The following SPOCK3 variants were observed in gnomAD, a reference collection of about 807,000 sequenced individuals.
The protein encoded by SPOCK3 is SPARC (osteonectin), cwcv and kazal like domains proteoglycan 3, also known as testican-3.
Under a neutral mutation model 56.6 loss-of-function variants are expected in SPOCK3, and 30 were observed. The ratio of observed to expected loss-of-function variants is 0.53; its 90% confidence interval spans 0.40 to 0.72. The LOEUF (loss-of-function observed/expected upper bound fraction) is 0.72, where lower values mean the gene tolerates loss of function less well. Among genes scored for constraint, SPOCK3 ranks in the 30% least tolerant of loss-of-function variants. The pLI, the probability that SPOCK3 is intolerant of heterozygous loss-of-function variation, is 0.00. For missense variants in SPOCK3, 527 were observed against 530.0 expected (o/e 0.99, Z 0.06); for synonymous variants, 196 against 183.3 (o/e 1.07, Z -0.56).
chr4:167,061,966 A>T (rs917006792), intron 3 of SPOCK3, among the ~76,000 whole-genome samples: 1 of 151,794 alleles, frequency 6.6e-6, no homozygotes, highest in Non-Finnish European at 1.5e-5. Context: ...TTTTCCTTTT[A>T]AAGGTAAGTT....
chr4:167,151,085 C>T (rs760333801), intron 2 of SPOCK3, among the ~76,000 whole-genome samples: 43 of 152,144 alleles, frequency 2.8e-4, no homozygotes, highest in Admixed American at 1.6e-3. Context: ...TCTCAAATTG[C>T]GCTGCAAATT....
chr4:167,130,403 A>G (rs1041393167), intron 2 of SPOCK3, among the ~76,000 whole-genome samples: 1 of 152,206 alleles, frequency 6.6e-6, no homozygotes, highest in African/African-American at 2.4e-5. Context: ...TGGGTAATAT[A>G]TGGAATATAA....
intron 4 of SPOCK3, among the ~76,000 whole-genome samples, chr4:166,971,780 G>T (rs550088251): frequency 6.6e-6 from 1 of 152,116 alleles, no homozygotes; most frequent in African/African-American, 2.4e-5. Context: ...ATTAGCTTCG[G>T]CTTACAACTA....
intron 2 of SPOCK3, among the ~76,000 whole-genome samples, chr4:167,187,145 A>G (rs1732062866): frequency 6.6e-6 from 1 of 152,096 alleles, no homozygotes; most frequent in African/African-American, 2.4e-5. Context: ...GACATGTACC[A>G]TCTCATTTTT....
rs1382028177 is a variant in SPOCK3, at chr4:167,197,444, TATA to T, written c.189+36538_189+36540del. Among the ~76,000 whole-genome samples the T allele has an allele frequency of 3.9e-5, 6 of 152,308 alleles. No individual in the cohort carries two copies. In the East Asian group the frequency reaches 1.2e-3, roughly 29 times the overall value. ...ATGACGTGAAATTTAGGCTATTACT[TATA>T]AGGTAGATGAAATTAGAACAAAAGT... On this transcript the variant is annotated intron_variant, in intron 2 of 10. Transcript: ENST00000357545.
chr4:167,223,223 AAT>A (rs1736233296), intron 2 of SPOCK3, among the ~76,000 whole-genome samples: 2 of 138,560 alleles, frequency 1.4e-5, no homozygotes, highest in Non-Finnish European at 3.0e-5. Context: ...GTGAATATAT[AAT>A]ATATAATATA....
intron 5 of SPOCK3, among the ~76,000 whole-genome samples, chr4:166,899,110 T>C (rs533445358): frequency 1.3e-5 from 2 of 152,064 alleles, no homozygotes; most frequent in African/African-American, 4.8e-5. Flanking sequence ...ATCTGGCCCT[T>C]GACTCTCACA....
intron 2 of SPOCK3, among the ~76,000 whole-genome samples, chr4:167,113,239 C>T (rs559753761): frequency 2.3e-4 from 35 of 152,238 alleles, no homozygotes; most frequent in Admixed American, 1.4e-3. Flanking sequence ...TACATTGCTA[C>T]TTAGATTCGT....
chr4:166,993,569 T>G (rs1748032465), intron 4 of SPOCK3, among the ~76,000 whole-genome samples: 1 of 152,190 alleles, frequency 6.6e-6, no homozygotes, highest in Admixed American at 6.6e-5. Flanking sequence ...ACTCTCTTCC[T>G]TCTCAACTGC....
intron 4 of SPOCK3, among the ~76,000 whole-genome samples, chr4:166,921,954 A>G (rs953653399): frequency 6.6e-6 from 1 of 152,164 alleles, no homozygotes; most frequent in African/African-American, 2.4e-5. Context: ...AAAGCCAGGC[A>G]GTGGCCCAGT....
intron 5 of SPOCK3, among the ~76,000 whole-genome samples, chr4:166,912,055 T>C (rs562059490): frequency 6.6e-6 from 1 of 152,278 alleles, no homozygotes; most frequent in Admixed American, 6.5e-5. Flanking sequence ...AATCCCAAAA[T>C]ATTTTAACAA....
intron 2 of SPOCK3, among the ~76,000 whole-genome samples, chr4:167,085,565 G>T (rs542220593): frequency 1.6e-4 from 25 of 152,180 alleles, no homozygotes; most frequent in African/African-American, 6.0e-4. Flanking sequence ...GCCATGTGGC[G>T]AAATTCATCG....
chr4:166,954,509 T>G (rs1234470970), intron 4 of SPOCK3, among the ~76,000 whole-genome samples: 1 of 152,164 alleles, frequency 6.6e-6, no homozygotes, highest in Non-Finnish European at 1.5e-5. Flanking sequence ...TCTAATTTTA[T>G]TATTCTGCAT....
At chr4:167,229,762 T>C (rs1026293911) in intron 2 of SPOCK3, among the ~76,000 whole-genome samples, 1 of 152,158 alleles carries the variant, frequency 6.6e-6, no homozygotes, top group African/African-American at 2.4e-5. Context: ...CTACATGTTC[T>C]TTAGCTTACA....
intron 6 of SPOCK3, among the ~76,000 whole-genome samples, chr4:166,808,832 G>T (rs181207236): frequency 6.6e-6 from 1 of 152,114 alleles, no homozygotes; most frequent in Admixed American, 6.6e-5. Flanking sequence ...AGGCAAAATT[G>T]GATGGGTTCT....
At chr4:167,168,426 A>G (rs772918084) in intron 2 of SPOCK3, among the ~76,000 whole-genome samples, 40 of 152,174 alleles carry the variant, frequency 2.6e-4, no homozygotes, top group Non-Finnish European at 5.6e-4. Flanking sequence ...GGCTTTGGCC[A>G]AAATGCTGAT....
chr4:167,116,556 GTATA>G (rs1391806772), intron 2 of SPOCK3, among the ~76,000 whole-genome samples: 2 of 106,424 alleles, frequency 1.9e-5, no homozygotes, highest in African/African-American at 8.0e-5. Context: ...ATATATATGA[GTATA>G]TATACTTTTA....
At chr4:166,982,278 CAG>C (rs1746667339) in intron 4 of SPOCK3, among the ~76,000 whole-genome samples, 1 of 151,772 alleles carries the variant, frequency 6.6e-6, no homozygotes, top group Admixed American at 6.5e-5. Context: ...ATCATCAATA[CAG>C]AGTTTACTGA....
At chr4:166,985,039 C>T (rs527991817) in intron 4 of SPOCK3, among the ~76,000 whole-genome samples, 16 of 152,152 alleles carry the variant, frequency 1.1e-4, no homozygotes, top group African/African-American at 3.1e-4. Context: ...TGGTGAGATA[C>T]TTTAGCTTCC....
Sources: allele counts gnomAD v4.1 joint callset (sites outside exome capture counted in the v4.1 genomes callset), GRCh38; gene constraint gnomAD v4.1.1; transcripts MANE v1.5; gene names NCBI Gene and HGNC (gene_info 2026-07-23, HGNC 2026-07-21).